The following PCDHGA3 variants were observed in gnomAD, a reference collection of about 807,000 sequenced individuals.
PCDHGA3 encodes the protein protocadherin gamma-A3.
Under a neutral mutation model 58.5 loss-of-function variants are expected in PCDHGA3, and 40 were observed. The observed-to-expected ratio is 0.68, with a 90% CI of 0.53 to 0.89. The LOEUF is 0.89. Ranked by LOEUF, PCDHGA3 falls within the 40% of genes least tolerant of loss-of-function variation. PCDHGA3 has a pLI of 0.00. For missense variants in PCDHGA3, 1,223 were observed against 1,195.9 expected (o/e 1.02, Z -0.33); for synonymous variants, 530 against 525.7 (o/e 1.01, Z -0.11).
chr5:141,409,491 C>A (rs747701093), intron 1 of PCDHGA3: 1 of 1,613,876 alleles, frequency 6.2e-7, no homozygotes, highest in East Asian at 2.2e-5. Context: ...AGGGGCAAGC[C>A]GCCTCTTTCT....
intron 1 of PCDHGA3, chr5:141,402,800 C>A: frequency 9.3e-7 from 1 of 1,072,728 alleles, no homozygotes; most frequent in Non-Finnish European, 1.3e-6. Flanking sequence ...ACACAAAACC[C>A]GGCAGATACC....
intron 1 of PCDHGA3, chr5:141,403,515 G>A: frequency 6.2e-7 from 1 of 1,614,024 alleles, no homozygotes; most frequent in Non-Finnish European, 8.5e-7. Context: ...GGAGACAATG[G>A]AGCCATAAAC....
chr5:141,370,288 C>A, intron 1 of PCDHGA3: 1 of 1,009,420 alleles, frequency 9.9e-7, no homozygotes, highest in Non-Finnish European at 1.4e-6. Flanking sequence ...ATTAGAGAAC[C>A]CAAGCACAAA....
Position 141,393,770 on chromosome 5 carries a change from A to G in PCDHGA3, c.2424+47313A>G, listed in dbSNP as rs372280460. 83 of 1,613,864 alleles carry G rather than the reference A, an allele frequency of 5.1e-5. 1 individual carries two copies. Among genetic ancestry groups the G allele is most frequent in the Middle Eastern group, 1.6e-4 (1 of 6,084 alleles). On this transcript the variant is annotated intron_variant, in intron 1 of 3. Transcript: ENST00000253812. ...AATGTTCATTTTATGAAATGGAAAT[A>G]CAAGCCGAAGATGTGGGGGCACTTC... is the stretch of plus-strand genomic sequence containing the variant.
intron 1 of PCDHGA3, among the ~76,000 whole-genome samples, chr5:141,430,357 T>C (rs1258305414): frequency 1.3e-5 from 2 of 149,904 alleles, no homozygotes; most frequent in Non-Finnish European, 3.0e-5. Context: ...ATTTAAAAGC[T>C]CATTGGGGAA....
At chr5:141,380,434 T>A (rs919623948) in intron 1 of PCDHGA3, among the ~76,000 whole-genome samples, 38 of 152,208 alleles carry the variant, frequency 2.5e-4, no homozygotes, top group African/African-American at 8.7e-4. Flanking sequence ...AGACTTTACA[T>A]AGAATTCTTT....
At position 141,344,674 on chromosome 5, in the gene PCDHGA3, C is replaced by A. The variant is rs1431245581; in HGVS notation, c.641C>A (p.Ala214Asp). 1.2e-6 allele frequency: 2 copies of A among 1,613,968 alleles called. No individual in the cohort carries two copies. The highest frequency in any genetic ancestry group is 3.3e-5 in the Admixed American group (2 of 60,034). Reference sequence around the variant, plus strand: ...GAAATTCACCAGCTTGTCCTGGTTGCCTCTGATGGTGGCGACCCTGTCCAC... The same window carrying A: ...GAAATTCACCAGCTTGTCCTGGTTGACTCTGATGGTGGCGACCCTGTCCAC... ...KKEIHQLVLV[A>D]SDGGDPVHSG... Residue 214 changes from alanine (A) to aspartate (D), a missense_variant, in exon 1 of 4, where the codon GCC becomes GAC. Physicochemically the swap from Ala to Asp is moderately radical, Grantham distance 126 (BLOSUM62 -2). Coordinates refer to ENST00000253812, the MANE Select transcript of PCDHGA3 (RefSeq NM_018916.4).
At chr5:141,374,245 G>A (rs1460959579) in intron 1 of PCDHGA3, 2 of 1,613,980 alleles carry the variant, frequency 1.2e-6, no homozygotes, top group Non-Finnish European at 1.7e-6. Context: ...ATCTGGGACT[G>A]GAGCCCCAGG....
At chr5:141,347,280 A>G (rs1757946622) in intron 1 of PCDHGA3, among the ~76,000 whole-genome samples, 1 of 151,726 alleles carries the variant, frequency 6.6e-6, no homozygotes, top group Admixed American at 6.6e-5. Context: ...CAGCCTCCCG[A>G]GTAGCTGGGA....
chr5:141,426,971 G>A, intron 1 of PCDHGA3: 1 of 456,732 alleles, frequency 2.2e-6, no homozygotes, highest in South Asian at 1.5e-5. Context: ...TTCAAATTGA[G>A]GTCACTGATG....
At chr5:141,354,107 A>G (rs1280239556) in intron 1 of PCDHGA3, among the ~76,000 whole-genome samples, 1 of 152,252 alleles carries the variant, frequency 6.6e-6, no homozygotes, top group African/African-American at 2.4e-5. Flanking sequence ...CTAAAATGAG[A>G]GCTAAAGTAA....
intron 1 of PCDHGA3, among the ~76,000 whole-genome samples, chr5:141,425,003 T>C (rs75915888): frequency 0.036 from 5,431 of 152,274 alleles, 181 homozygotes; most frequent in African/African-American, 0.084. Context: ...AGTTTAGTTT[T>C]CTCATTTAGG....
intron 1 of PCDHGA3, chr5:141,394,748 C>A: frequency 6.2e-7 from 1 of 1,613,414 alleles, no homozygotes. Flanking sequence ...TCGTGGTGGC[C>A]GTCCAGGACC....
At chr5:141,371,549 A>G in intron 1 of PCDHGA3, 1 of 1,613,886 alleles carries the variant, frequency 6.2e-7, no homozygotes, top group Non-Finnish European at 8.5e-7. Flanking sequence ...TCCTATGCCA[A>G]CTAAAAGGAA....
At position 141,491,899 on chromosome 5, in the gene PCDHGA3, G is replaced by A; in HGVS notation, c.2425-2908G>A. The A allele has an allele frequency of 7.0e-7, 1 of 1,433,322 alleles. No homozygotes were observed. Among genetic ancestry groups the A allele is most frequent in the South Asian group, 1.5e-5 (1 of 67,156 alleles). The allele number at this position is 1,433,322 out of a possible 1,614,324, so 88.8% of individuals were successfully genotyped here. A position where few individuals can be genotyped will look rare whatever the true frequency, so the allele number is the denominator to read the frequency against. On this transcript the variant is annotated intron_variant, in intron 1 of 3. Coordinates refer to ENST00000253812, the MANE Select transcript of PCDHGA3 (RefSeq NM_018916.4). The surrounding 1 kb of genome is among the most constrained non-coding windows in gnomAD (Gnocchi z 6.9). ...TTAAGGGATGGGGCTCCGAGCACCG[G>A]GGGTGGTGGCGACTGTGGGCGAGGG... is the stretch of plus-strand genomic sequence containing the variant.
chr5:141,497,804 T>G (rs1196976996), intron 2 of PCDHGA3, among the ~76,000 whole-genome samples: 1 of 152,186 alleles, frequency 6.6e-6, no homozygotes, highest in Non-Finnish European at 1.5e-5. Context: ...CTTCCCAAAG[T>G]GCTAGAATTA....
rs536614183 is a variant in PCDHGA3, at chr5:141,348,576, G to A, written c.2424+2119G>A. Among the ~76,000 whole-genome samples the A allele has an allele frequency of 1.7e-3, 253 of 152,272 alleles. 1 individual carries two copies. The highest frequency in any genetic ancestry group is 3.2e-3 in the African/African-American group (132 of 41,540). The stretch of plus-strand genomic sequence containing the variant: ...TATATGAAACATAGCCTACATATGT[G>A]TCATGAAAATACACTGAGAGTATGG... On this transcript the variant is annotated intron_variant, in intron 1 of 3. Transcript: ENST00000253812.
intron 1 of PCDHGA3, among the ~76,000 whole-genome samples, chr5:141,459,095 G>A (rs61275874): frequency 0.28 from 42,440 of 152,066 alleles, 6,652 homozygotes; most frequent in African/African-American, 0.43. Context: ...ATTATACAGT[G>A]CAATGCATTT....
In PCDHGA3 at chr5:141,346,021, C is replaced by A. The variant is rs773863555; in HGVS notation, c.1988C>A (p.Ala663Asp). The stretch of plus-strand genomic sequence containing the variant: ...TCCGCCACTGTCACGCTCACCGTGG[C>A]CGTGGCCGACAGGATCCCCGACATC... ...PLSATVTLTVAVADRIPDILA... is the reference protein window; with the variant it reads ...PLSATVTLTVDVADRIPDILA... The change falls in exon 1 of 4, where the codon GCC (alanine) becomes GAC (aspartate). Residue 663 changes from alanine to aspartate, a missense_variant. By Grantham distance (126) the Ala-to-Asp change is moderately radical. Transcript: ENST00000253812. 6 of 1,613,366 alleles carry A rather than the reference C, an allele frequency of 3.7e-6. No individual in the cohort carries two copies. Among genetic ancestry groups the A allele is most frequent in the Non-Finnish European group, 4.2e-6 (5 of 1,179,842 alleles).
Sources: gnomAD v4.1 joint callset for allele counts (sites outside exome capture counted in the v4.1 genomes callset) on GRCh38, gnomAD v4.1.1 for gene constraint, Gnocchi (gnomAD v3.1) non-coding constraint, MANE v1.5 for transcripts, NCBI Gene and HGNC (gene_info 2026-07-23, HGNC 2026-07-21) for gene names.